Variants in SUMF1 observed in about 807,000 individuals in gnomAD.
SUMF1 encodes formylglycine-generating enzyme.
SUMF1 carries 48 observed loss-of-function variants against 47.6 expected under a neutral mutation model. The ratio of observed to expected loss-of-function variants is 1.01; its 90% CI spans 0.80 to 1.28. The LOEUF (loss-of-function observed/expected upper bound fraction) is 1.28, where lower values mean the gene tolerates loss of function less well. Ranked by LOEUF, SUMF1 falls within the 50% of genes most tolerant of loss-of-function variation. The probability of loss-of-function intolerance (pLI) is 0.00; values close to 1 mark genes in which losing one functional copy is unlikely to be tolerated. For synonymous variants in SUMF1, 230 were observed against 192.1 expected, an observed-to-expected ratio of 1.20 and a Z score of -1.63; for missense variants, 571 against 485.4, an observed-to-expected ratio of 1.18 and a Z score of -1.66.
In SUMF1 at chr3:4,313,108, C is replaced by T. The variant is rs746229986; in HGVS notation, c.1014+63222G>A. On this transcript the variant is annotated intron_variant and NMD_transcript_variant, in intron 8 of 12. Transcript: ENST00000448413. The stretch of plus-strand genomic sequence containing the variant: ...TGTTTTTGAATGCAATGTCCTGTGC[C>T]GATGCAGTGACCACTGCAGAAACAG... 2.9e-5 allele frequency: 47 copies of T among 1,613,768 alleles called. No individual in the cohort carries two copies. In the South Asian group the frequency reaches 3.0e-4, roughly 10 times the overall value.
At chr3:4,106,674 G>A (rs1264065866) in intron 8 of SUMF1, among the ~76,000 whole-genome samples, 1 of 152,064 alleles carries the variant, frequency 6.6e-6, no homozygotes, top group Admixed American at 6.6e-5. Flanking sequence ...GTCAAACCCT[G>A]GAGAAATCAG....
intron 8 of SUMF1, among the ~76,000 whole-genome samples, chr3:4,099,856 A>C (rs1692991222): frequency 1.3e-5 from 2 of 151,924 alleles, no homozygotes. Flanking sequence ...CCCACCTGCA[A>C]TAGCATCAAA....
chr3:4,301,938 G>A (rs1291742291), intron 8 of SUMF1, among the ~76,000 whole-genome samples: 1 of 152,126 alleles, frequency 6.6e-6, no homozygotes, highest in Non-Finnish European at 1.5e-5. Flanking sequence ...GTTCAGGGAA[G>A]GGGAGCAAAG....
chr3:4,368,237 T>C (rs2125196219), intron 8 of SUMF1, among the ~76,000 whole-genome samples: 1 of 152,180 alleles, frequency 6.6e-6, no homozygotes, highest in Middle Eastern at 3.4e-3. Flanking sequence ...CATGAAAAAA[T>C]GCTCACCATC....
At chr3:4,132,539 G>A (rs1693817191) in intron 8 of SUMF1, among the ~76,000 whole-genome samples, 2 of 152,208 alleles carry the variant, frequency 1.3e-5, no homozygotes, top group South Asian at 4.2e-4. Flanking sequence ...GGGTGAAAGT[G>A]GAAGTGGCAC....
chr3:4,354,993 C>T (rs1559239876), intron 8 of SUMF1, among the ~76,000 whole-genome samples: 2 of 152,166 alleles, frequency 1.3e-5, no homozygotes, highest in Non-Finnish European at 2.9e-5. Context: ...TGTGGTGGTG[C>T]AGGGATATGA....
chr3:4,330,456 G>A (rs13092083), intron 8 of SUMF1, among the ~76,000 whole-genome samples: 1 of 152,134 alleles, frequency 6.6e-6, no homozygotes. Flanking sequence ...CGTCTTACAT[G>A]GTGGCAGGCA....
At chr3:4,134,790 A>T (rs1274416062) in intron 8 of SUMF1, among the ~76,000 whole-genome samples, 1 of 152,166 alleles carries the variant, frequency 6.6e-6, no homozygotes. Flanking sequence ...TAAAGGGGGT[A>T]TCACCACCGA....
intron 8 of SUMF1, among the ~76,000 whole-genome samples, chr3:4,103,528 G>C (rs992070614): frequency 3.3e-5 from 5 of 152,098 alleles, no homozygotes; most frequent in African/African-American, 9.7e-5. Context: ...GCAAGTCCTA[G>C]AATGTTCCTT....
intron 7 of SUMF1, among the ~76,000 whole-genome samples, chr3:4,407,515 A>C (rs1465492606): frequency 2.6e-5 from 4 of 152,202 alleles, no homozygotes; most frequent in Non-Finnish European, 5.9e-5. Flanking sequence ...GAACACATGG[A>C]GTCTGGACAG....
intron 8 of SUMF1, among the ~76,000 whole-genome samples, chr3:4,213,019 C>A (rs998837915): frequency 1.3e-5 from 2 of 152,030 alleles, no homozygotes; most frequent in Non-Finnish European, 2.9e-5. Context: ...CTTCCCCAAC[C>A]CAGCAAGACA....
chr3:4,049,180 AG>A (rs1226860391), intron 9 of SUMF1, among the ~76,000 whole-genome samples: 2 of 152,160 alleles, frequency 1.3e-5, no homozygotes, highest in African/African-American at 4.8e-5. Context: ...AGGCTGTCTG[AG>A]GTCATTGTTC....
At chr3:4,336,344 G>A (rs929980194) in intron 8 of SUMF1, among the ~76,000 whole-genome samples, 1 of 152,184 alleles carries the variant, frequency 6.6e-6, no homozygotes, top group African/African-American at 2.4e-5. Flanking sequence ...CATTTTACAT[G>A]TGAAAAGAGG....
chr3:4,057,868 G>A (rs904713768), intron 9 of SUMF1, among the ~76,000 whole-genome samples: 4 of 152,046 alleles, frequency 2.6e-5, no homozygotes, highest in African/African-American at 9.7e-5. Context: ...AAAATAAATG[G>A]TAGAGTTGGA....
intron 8 of SUMF1, among the ~76,000 whole-genome samples, chr3:4,263,874 A>G (rs771051570): frequency 6.6e-6 from 1 of 152,176 alleles, no homozygotes; most frequent in Non-Finnish European, 1.5e-5. Flanking sequence ...GACGATTGCA[A>G]TTGAGTTGCT....
intron 1 of SUMF1, among the ~76,000 whole-genome samples, chr3:4,457,707 G>A (rs2079700840): frequency 6.6e-6 from 1 of 152,148 alleles, no homozygotes; most frequent in Non-Finnish European, 1.5e-5. Context: ...AATGAAATTA[G>A]ACCCTTATCT....
chr3:4,064,677 A>AT (rs1304696092), intron 9 of SUMF1, among the ~76,000 whole-genome samples: 1 of 152,126 alleles, frequency 6.6e-6, no homozygotes, highest in East Asian at 1.9e-4. Context: ...TAACAGCCTG[A>AT]TAACAGGAGA....
intron 8 of SUMF1, among the ~76,000 whole-genome samples, chr3:4,350,374 T>C (rs1414309950): frequency 6.6e-6 from 1 of 151,054 alleles, no homozygotes; most frequent in Admixed American, 6.6e-5. Context: ...TGTGTATAAT[T>C]GTGTGTGTAT....
At position 4,202,314 on chromosome 3, in the gene SUMF1, C is replaced by G. The variant is rs368663253; in HGVS notation, c.1015-133569G>C. On this transcript the variant is annotated intron_variant and NMD_transcript_variant, in intron 8 of 12. Coordinates refer to the SUMF1 transcript ENST00000448413. ...CAGATAGGGGTCTCATTTCATTTTT[C>G]TGCATATGCATATCCAGTTTTCCTA... is the stretch of plus-strand genomic sequence containing the variant. Among the ~76,000 whole-genome samples, 12 of 152,030 alleles carry G rather than the reference C, an allele frequency of 7.9e-5. 2 individuals are homozygous for G. The highest frequency in any genetic ancestry group is 6.6e-5 in the Admixed American group (1 of 15,252).
Sources: gnomAD v4.1 joint callset for allele counts (sites outside exome capture counted in the v4.1 genomes callset) on GRCh38, gnomAD v4.1.1 for gene constraint, MANE v1.5 for transcripts, NCBI Gene and HGNC (gene_info 2026-07-23, HGNC 2026-07-21) for gene names.